WDR44: variants seen among roughly 807,000 people sequenced by gnomAD.
WDR44 encodes the protein WD repeat domain 44.
WDR44 carries 9 observed loss-of-function variants against 65.7 expected under a neutral mutation model. That is an observed-to-expected ratio of 0.14 (90% CI 0.08 to 0.24). The LOEUF is 0.24. WDR44 is among the 10% of genes least tolerant of loss of function. The pLI is 1.00. For missense variants in WDR44, 425 were observed against 670.9 expected, an observed-to-expected ratio of 0.63 and a Z score of 4.05; for synonymous variants, 220 against 235.2, an observed-to-expected ratio of 0.94 and a Z score of 0.59.
At position 118,396,112 on chromosome X, in the gene WDR44, G is replaced by A. The variant is rs867218799; in HGVS notation, c.1053+768G>A. Among the ~76,000 whole-genome samples, 9 of 111,548 alleles carry A rather than the reference G, an allele frequency of 8.1e-5. No individual in the cohort carries two copies. The Middle Eastern group carries it at 0.014, about 171-fold the overall frequency. On this transcript the variant is annotated intron_variant, in intron 6 of 19. Transcript: ENST00000254029. ...AAATAAATTTTTTTATTATTTTAATGGTTTCTTATCATTAAAACTTAGTAT... is the reference window on the plus strand; with the variant it reads ...AAATAAATTTTTTTATTATTTTAATAGTTTCTTATCATTAAAACTTAGTAT...
chrX:118,442,216 A>C, intron 15 of WDR44, 28 bp from the exon 16 acceptor site: 1 of 1,139,945 alleles, frequency 8.8e-7, no homozygotes, highest in Non-Finnish European at 1.2e-6. Context: ...CCTAATTCTA[A>C]TATGTTAAAT....
chrX:118,349,559 CAT>C (rs1491454914), intron 1 of WDR44, among the ~76,000 whole-genome samples: 3 of 92,612 alleles, frequency 3.2e-5, no homozygotes, highest in Non-Finnish European at 6.2e-5. Context: ...ATATGAGGAA[CAT>C]TTTTTTTTTT....
intron 13 of WDR44, among the ~76,000 whole-genome samples, chrX:118,433,418 G>A (rs1025306730): frequency 1.8e-5 from 2 of 110,717 alleles, no homozygotes; most frequent in Non-Finnish European, 3.8e-5. Context: ...TTGAGAACCT[G>A]TGCAACTATA....
chrX:118,413,831 T>G (rs1357241505), intron 12 of WDR44, among the ~76,000 whole-genome samples: 1 of 112,228 alleles, frequency 8.9e-6, no homozygotes, highest in Admixed American at 9.5e-5. Flanking sequence ...ATTCGAGTCC[T>G]TAATCCCTCT....
At chrX:118,363,853 T>G (rs1212408984) in intron 1 of WDR44, among the ~76,000 whole-genome samples, 1 of 112,267 alleles carries the variant, frequency 8.9e-6, no homozygotes, top group Non-Finnish European at 1.9e-5. Flanking sequence ...TATTGAGTAA[T>G]TAATAGATTC....
intron 2 of WDR44, among the ~76,000 whole-genome samples, chrX:118,383,025 G>A (rs185105631): frequency 8.9e-6 from 1 of 111,855 alleles, no homozygotes; most frequent in African/African-American, 3.2e-5. Context: ...AGAAGGACCT[G>A]GATGTTATAC....
At chrX:118,389,435 G>T (rs966074227) in intron 3 of WDR44, among the ~76,000 whole-genome samples, 1 of 111,365 alleles carries the variant, frequency 9.0e-6, no homozygotes, top group Non-Finnish European at 1.9e-5. Context: ...ATTTGGACAG[G>T]CTAGGCCGGG....
chrX:118,378,285 C>A, intron 1 of WDR44, 134 bp from the exon 2 acceptor site: 1 of 510,617 alleles, frequency 2.0e-6, no homozygotes, highest in Non-Finnish European at 3.2e-6. Context: ...ACATTTTCTA[C>A]GTGCACACAA....
intron 12 of WDR44, among the ~76,000 whole-genome samples, chrX:118,429,432 T>C (rs2057187687): frequency 9.3e-6 from 1 of 107,802 alleles, no homozygotes; most frequent in Non-Finnish European, 1.9e-5. Context: ...CTACTAAAAA[T>C]ACAAAAATTA....
chrX:118,441,256 GC>G, intron 14 of WDR44, 111 bp from the exon 15 acceptor site: 1 of 730,753 alleles, frequency 1.4e-6, no homozygotes, highest in East Asian at 3.3e-5. Context: ...ACCGCACCTG[GC>G]CCTGAAATCT....
At chrX:118,376,567 TATTA>T (rs760917461) in intron 1 of WDR44, among the ~76,000 whole-genome samples, 3 of 111,963 alleles carry the variant, frequency 2.7e-5, no homozygotes, top group South Asian at 7.4e-4. Flanking sequence ...AGAAATGGCA[TATTA>T]ATTATTTAAA....
intron 1 of WDR44, among the ~76,000 whole-genome samples, chrX:118,369,603 G>C (rs1344110917): frequency 4.7e-5 from 5 of 105,819 alleles, no homozygotes; most frequent in Non-Finnish European, 7.7e-5. Flanking sequence ...CGAGTAGCTG[G>C]GGCTACAGGC....
intron 1 of WDR44, among the ~76,000 whole-genome samples, chrX:118,374,206 G>A (rs1440521620): frequency 9.1e-6 from 1 of 109,918 alleles, no homozygotes; most frequent in African/African-American, 3.3e-5. Context: ...ATTTTTACAA[G>A]GCCCCTATTA....
intron 12 of WDR44, among the ~76,000 whole-genome samples, chrX:118,428,635 A>T (rs925869113): frequency 5.7e-4 from 64 of 112,063 alleles, no homozygotes; most frequent in African/African-American, 1.9e-3. Context: ...ATTATGGAAG[A>T]CAGTGTGGCA....
intron 7 of WDR44, 146 bp from the exon 8 acceptor site, chrX:118,398,237 CTAAA>C (rs1402406599): frequency 4.3e-5 from 17 of 398,183 alleles, no homozygotes; most frequent in Middle Eastern, 1.5e-3. Context: ...ACTCCATCTC[CTAAA>C]TAAATAAATA....
At chrX:118,418,513 CAG>C (rs1292678871) in intron 12 of WDR44, among the ~76,000 whole-genome samples, 1 of 111,553 alleles carries the variant, frequency 9.0e-6, no homozygotes, top group African/African-American at 3.3e-5. Flanking sequence ...AGGTTGTCTG[CAG>C]AGAGTCCTGT....
intron 1 of WDR44, among the ~76,000 whole-genome samples, chrX:118,377,915 A>T (rs2056676614): frequency 9.2e-6 from 1 of 108,913 alleles, no homozygotes; most frequent in Non-Finnish European, 1.9e-5. Context: ...ATTTGTAGAG[A>T]CAGGGTCTCA....
chrX:118,374,417 A>G lies in WDR44; in HGVS notation c.78-4002A>G, dbSNP rs193263970. Among the ~76,000 whole-genome samples, 81 of 111,816 alleles carry G rather than the reference A, an allele frequency of 7.2e-4. 1 individual carries two copies. The highest frequency in any genetic ancestry group is 2.5e-3 in the African/African-American group (76 of 30,809). ...TGTCACAAAGGAATTCTACTCTTACAGATTACCCTGTTAAAGACAGTTTTA... is the reference window on the plus strand; with the variant it reads ...TGTCACAAAGGAATTCTACTCTTACGGATTACCCTGTTAAAGACAGTTTTA... On this transcript the variant is annotated intron_variant, in intron 1 of 19. Coordinates refer to ENST00000254029, the MANE Select transcript of WDR44 (RefSeq NM_019045.5).
At chrX:118,378,245 G>A (rs1179024582) in intron 1 of WDR44, among the ~76,000 whole-genome samples, 174 bp from the exon 2 acceptor site, 1 of 112,297 alleles carries the variant, frequency 8.9e-6, no homozygotes. Context: ...GAGCCACTGC[G>A]CCCAGCCTCT....
Sources: gnomAD v4.1 joint callset for allele counts (sites outside exome capture counted in the v4.1 genomes callset) on GRCh38, gnomAD v4.1.1 for gene constraint, MANE v1.5 for transcripts, NCBI Gene and HGNC (gene_info 2026-07-23, HGNC 2026-07-21) for gene names.